CCM2L: variants seen among roughly 807,000 people sequenced by gnomAD.
CCM2L encodes cerebral cavernous malformations 2 protein-like.
Under a neutral mutation model 54.1 loss-of-function variants are expected in CCM2L, and 36 were observed. The ratio of observed to expected loss-of-function variants is 0.67; its 90% CI spans 0.51 to 0.88. The LOEUF (loss-of-function observed/expected upper bound fraction) is 0.88, where lower values mean the gene tolerates loss of function less well. Ranked by LOEUF, CCM2L falls within the 40% of genes least tolerant of loss-of-function variation. The pLI is 0.00. For missense variants in CCM2L, 700 were observed against 812.1 expected, an observed-to-expected ratio of 0.86 and a Z score of 1.68; for synonymous variants, 351 against 359.3, an observed-to-expected ratio of 0.98 and a Z score of 0.26.
intron 1 of CCM2L, among the ~76,000 whole-genome samples, chr20:32,014,261 ATTT>A (rs5841095): frequency 4.2e-4 from 55 of 132,218 alleles, no homozygotes; most frequent in Non-Finnish European, 6.0e-4. Flanking sequence ...ATATATATAT[ATTT>A]TTTTTTTTTT....
intron 1 of CCM2L, 107 bp from the exon 2 acceptor site, chr20:32,014,797 A>C: frequency 9.0e-7 from 1 of 1,114,482 alleles, no homozygotes; most frequent in Non-Finnish European, 1.3e-6. Context: ...CCCCTTCTGC[A>C]GAGTTTTGGT....
intron 1 of CCM2L, 144 bp downstream of exon 1, chr20:32,010,628 C>A: frequency 1.3e-6 from 1 of 772,374 alleles, no homozygotes; most frequent in Non-Finnish European, 2.2e-6. Flanking sequence ...CCTTCCCACT[C>A]TTGGACAGCC....
Position 32,014,259 on chromosome 20 carries a change from A to T in CCM2L, c.31-645A>T, listed in dbSNP as rs1174481853. 2.7e-3 allele frequency among the ~76,000 whole-genome samples: 380 copies of T among 138,922 alleles called. 3 individuals carry two copies. Among genetic ancestry groups the T allele is most frequent in the Middle Eastern group, 0.015 (4 of 266 alleles). 91.1% of individuals were successfully genotyped at this position (138,922 alleles called of 152,430 possible). On this transcript the variant is annotated intron_variant, in intron 1 of 9. Coordinates refer to ENST00000452892, the MANE Select transcript of CCM2L (RefSeq NM_001365692.1). ...TATATGTGTGTACATATATATATAT[A>T]TATTTTTTTTTTTTTTTTGAGACAG...
chr20:32,020,660 A>T (rs1422765686), intron 5 of CCM2L, among the ~76,000 whole-genome samples: 2 of 151,958 alleles, frequency 1.3e-5, no homozygotes, highest in Non-Finnish European at 2.9e-5. Context: ...TCTCTTTCTC[A>T]CACACACCCC....
chr20:32,013,625 TA>T (rs1397726612), intron 1 of CCM2L, among the ~76,000 whole-genome samples: 2 of 151,896 alleles, frequency 1.3e-5, no homozygotes, highest in Admixed American at 1.3e-4. Context: ...TTTTTTGGCA[TA>T]TTTTTTGTAG....
chr20:32,031,216 G>A lies in CCM2L; in HGVS notation c.1618G>A (p.Asp540Asn), dbSNP rs1358451431. ...CCGGCTGCTGGCTGACATCACGCAC[G>A]ACATCGAGGCGCTGGCCCCCGATGA... Reference protein sequence around the residue: ...FHRLLADITHDIEALAPDDDD... With the variant: ...FHRLLADITHNIEALAPDDDD... Residue 540 changes from aspartate (D) to asparagine (N), a missense_variant, in exon 10 of 10, where the codon GAC becomes AAC. By Grantham distance (23) the Asp-to-Asn change is conservative (BLOSUM62 1). Transcript: ENST00000452892. 5.4e-6 allele frequency: 7 copies of A among 1,300,630 alleles called. No individual in the cohort carries two copies. Among genetic ancestry groups the A allele is most frequent in the Middle Eastern group, 2.1e-4 (1 of 4,714 alleles). 80.6% of individuals were successfully genotyped at this position (1,300,630 alleles called of 1,614,324 possible).
intron 1 of CCM2L, among the ~76,000 whole-genome samples, chr20:32,014,263 T>A (rs6119751): frequency 0.1 from 10,573 of 104,352 alleles, 512 homozygotes; most frequent in East Asian, 0.26. Flanking sequence ...ATATATATAT[T>A]TTTTTTTTTT....
In CCM2L at chr20:32,018,159, AC is replaced by A. The variant is rs1484858591; in HGVS notation, c.465del (p.Gly156ValfsTer153). On this transcript the variant is annotated frameshift_variant and splice_region_variant, in exon 4 of 10. Transcript: ENST00000452892. LOFTEE classifies it high-confidence loss of function. ...DDALHLLVLK[T>X]GLGVDPVPAG... is the part of the protein sequence containing the mutation. ...CGCGCTGCACCTGCTAGTGCTCAAG[AC>A]CGGTGCGGCGGGAGGGGGCGGGGGC... 1 of 1,307,484 alleles carries A rather than the reference AC, an allele frequency of 7.6e-7. No homozygotes were observed. The highest frequency in any genetic ancestry group is 1.6e-5 in the African/African-American group (1 of 61,550). The allele number at this position is 1,307,484 out of a possible 1,614,324, so 81.0% of individuals were successfully genotyped here. A position where few individuals can be genotyped will look rare whatever the true frequency, so the allele number is the denominator to read the frequency against.
chr20:32,018,917 G>T (rs1413205819), intron 4 of CCM2L, 26 bp from the exon 5 acceptor site: 1 of 1,294,786 alleles, frequency 7.7e-7, no homozygotes, highest in African/African-American at 1.5e-5. Flanking sequence ...GATCCCCGCG[G>T]CTGACGGTCC....
intron 5 of CCM2L, among the ~76,000 whole-genome samples, chr20:32,022,236 A>G (rs2064811872): frequency 6.6e-6 from 1 of 152,184 alleles, no homozygotes; most frequent in African/African-American, 2.4e-5. Flanking sequence ...TTCCAGTATT[A>G]GTAACTATAT....
chr20:32,022,925 C>A, intron 6 of CCM2L, 130 bp downstream of exon 6: 2 of 982,642 alleles, frequency 2.0e-6, no homozygotes, highest in East Asian at 2.7e-5. Flanking sequence ...TTACAGTGTA[C>A]CCCACAATTG....
intron 1 of CCM2L, among the ~76,000 whole-genome samples, chr20:32,011,787 G>T (rs2064697711): frequency 6.6e-6 from 1 of 151,910 alleles, no homozygotes; most frequent in Non-Finnish European, 1.5e-5. Context: ...AAGCCAGAGG[G>T]ACTGAAGGAG....
chr20:32,029,199 A>G, intron 8 of CCM2L, 75 bp downstream of exon 8: 3 of 1,598,920 alleles, frequency 1.9e-6, no homozygotes, highest in South Asian at 1.1e-5. Context: ...GGAATGGCAC[A>G]TTGCCCTGGA....
rs960226444 is a variant in CCM2L, at chr20:32,010,448, TTTCACCATGGAATA to T, written c.-5_9del. The T allele has an allele frequency of 5.2e-5, 81 of 1,550,524 alleles. No individual in the cohort carries two copies. Among genetic ancestry groups the T allele is most frequent in the Non-Finnish European group, 7.1e-5 (81 of 1,146,702 alleles). On this transcript the variant is annotated start_lost and 5_prime_UTR_variant, in exon 1 of 10. Coordinates refer to ENST00000452892, the MANE Select transcript of CCM2L (RefSeq NM_001365692.1). ...GAGGGTGGCAGGAGTAGAGGGGACA[TTTCACCATGGAATA>T]TGAAGTCAAGAAAGGGAAGAAGGTA...
At chr20:32,030,868 A>G (rs2064916005) in intron 9 of CCM2L, 133 bp from the exon 10 acceptor site, 1 of 660,750 alleles carries the variant, frequency 1.5e-6, no homozygotes. Context: ...CAGACAGTTA[A>G]GGACCTTGGG....
At chr20:32,023,474 G>C (rs979060835) in intron 6 of CCM2L, among the ~76,000 whole-genome samples, 1 of 152,210 alleles carries the variant, frequency 6.6e-6, no homozygotes, top group Non-Finnish European at 1.5e-5. Flanking sequence ...TTTCCAGATG[G>C]GTGCTTGGAT....
At chr20:32,023,726 G>T (rs1281005951) in intron 6 of CCM2L, among the ~76,000 whole-genome samples, 1 of 152,096 alleles carries the variant, frequency 6.6e-6, no homozygotes, top group African/African-American at 2.4e-5. Context: ...GTTGGTTTTT[G>T]TTGTTGTTGT....
At chr20:32,028,873 C>T (rs1412356521) in intron 7 of CCM2L, 122 bp from the exon 8 acceptor site, 2 of 1,280,122 alleles carry the variant, frequency 1.6e-6, no homozygotes, top group African/African-American at 1.5e-5. Context: ...GTGCCAGGGG[C>T]CAGGGTATGC....
intron 5 of CCM2L, among the ~76,000 whole-genome samples, chr20:32,020,288 T>C (rs1032431593): frequency 3.3e-5 from 5 of 152,188 alleles, no homozygotes; most frequent in African/African-American, 4.8e-5. Flanking sequence ...ACCAGTAAAC[T>C]CAGACACCAC....
Sources: allele counts gnomAD v4.1 joint callset (sites outside exome capture counted in the v4.1 genomes callset), GRCh38; gene constraint gnomAD v4.1.1; transcripts MANE v1.5; gene names NCBI Gene and HGNC (gene_info 2026-07-23, HGNC 2026-07-21).